NDRG2: variants seen among roughly 807,000 people sequenced by gnomAD.
NDRG2 encodes the protein protein NDRG2.
Under a neutral mutation model 58.2 loss-of-function variants are expected in NDRG2, and 34 were observed. The observed-to-expected ratio is 0.58, with a 90% confidence interval of 0.44 to 0.78. The LOEUF (loss-of-function observed/expected upper bound fraction) is 0.78. Among genes scored for constraint, NDRG2 ranks in the 30% least tolerant of loss-of-function variants. The pLI is 0.00. For missense variants in NDRG2, 434 were observed against 471.2 expected (o/e 0.92, Z 0.73); for synonymous variants, 187 against 175.9 (o/e 1.06, Z -0.50).
At chr14:21,045,152 C>T (rs976736105) in intron 1 of NDRG2, among the ~76,000 whole-genome samples, 2 of 152,134 alleles carry the variant, frequency 1.3e-5, no homozygotes, top group Non-Finnish European at 2.9e-5. Context: ...TAAGGTCTCC[C>T]GAGAGACTTC....
chr14:21,022,343 C>G, intron 4 of NDRG2, 49 bp downstream of exon 4: 1 of 1,586,806 alleles, frequency 6.3e-7, no homozygotes, highest in Non-Finnish European at 8.6e-7. Flanking sequence ...CTACCCTTCC[C>G]CCACAGCCTC....
intron 1 of NDRG2, chr14:21,031,024 C>G: frequency 6.2e-7 from 1 of 1,609,714 alleles, no homozygotes; most frequent in South Asian, 1.1e-5. Flanking sequence ...CCAAGAACGC[C>G]CGAACCATCA....
upstream of NDRG2, chr14:21,025,749 A>C: frequency 4.9e-6 from 1 of 205,236 alleles, no homozygotes. This position sits in a 1 kb window ranked among gnomAD's most constrained non-coding sequence, Gnocchi z 5.1. Flanking sequence ...CAAGGCGGGG[A>C]GGTGGGGGCG....
At chr14:21,059,701 T>A (rs1053642816) in intron 1 of NDRG2, among the ~76,000 whole-genome samples, 2 of 152,210 alleles carry the variant, frequency 1.3e-5, no homozygotes, top group East Asian at 3.9e-4. Flanking sequence ...GGTTTCACCA[T>A]GTTACCCGGG....
intron 1 of NDRG2, among the ~76,000 whole-genome samples, chr14:21,066,303 T>C (rs1404563339): frequency 2.6e-5 from 4 of 150,980 alleles, no homozygotes; most frequent in Non-Finnish European, 4.4e-5. Context: ...TTGGATCTTT[T>C]TTTTTTGGTT....
intron 3 of NDRG2, 43 bp downstream of exon 3, chr14:21,022,821 G>A: frequency 1.2e-6 from 2 of 1,602,510 alleles, no homozygotes; most frequent in East Asian, 4.5e-5. Flanking sequence ...TGGGGAAGAG[G>A]ACAGCCCCTC....
chr14:21,026,298 C>T (rs1381234641), upstream of NDRG2, among the ~76,000 whole-genome samples: 1 of 152,022 alleles, frequency 6.6e-6, no homozygotes, highest in Non-Finnish European at 1.5e-5. Context: ...TTCTCCCCAC[C>T]TGCCCCCCTT....
In NDRG2 at chr14:21,070,255, A is replaced by G. The variant is rs1307477022; in HGVS notation, c.24+573T>C. ...TCCCTGGCGGGGCCCCGCGGCCTGG[A>G]AGCCGGAGCGGGCCGAGCCGCCACC... On this transcript the variant is annotated intron_variant, in intron 1 of 14. Transcript: ENST00000403829. This position sits in a 1 kb window ranked among gnomAD's most constrained non-coding sequence, Gnocchi z 4.7. 8.7e-6 allele frequency: 8 copies of G among 916,492 alleles called. No individual in the cohort carries two copies. The highest frequency in any genetic ancestry group is 1.1e-5 in the Non-Finnish European group (8 of 716,958). The allele number at this position is 916,492 out of a possible 1,614,324, so 56.8% of individuals were successfully genotyped here.
intron 1 of NDRG2, among the ~76,000 whole-genome samples, chr14:21,035,464 G>T (rs957125354): frequency 1.3e-5 from 2 of 152,212 alleles, no homozygotes; most frequent in African/African-American, 4.8e-5. Context: ...CAAAGAGCCA[G>T]CTCCCTGGAA....
chr14:21,057,668 G>T (rs114969866), intron 1 of NDRG2, among the ~76,000 whole-genome samples: 1,445 of 135,636 alleles, frequency 0.011, 34 homozygotes, highest in African/African-American at 0.039. Flanking sequence ...TAAAACTATT[G>T]TGAGAGGTAA....
chr14:21,028,113 C>T (rs1883816761), upstream of NDRG2, among the ~76,000 whole-genome samples: 2 of 152,130 alleles, frequency 1.3e-5, no homozygotes, highest in African/African-American at 2.4e-5. Context: ...TTCCCCACCC[C>T]GGTCCATTCC....
At chr14:21,048,357 C>T (rs1336210986) in intron 1 of NDRG2, 1 of 152,104 alleles carries the variant, frequency 6.6e-6, no homozygotes, top group African/African-American at 2.4e-5. Context: ...TGTAAGAAGT[C>T]CACAGTTCAT....
chr14:21,044,933 C>G (rs957888197), intron 1 of NDRG2, among the ~76,000 whole-genome samples: 4 of 152,174 alleles, frequency 2.6e-5, no homozygotes, highest in Admixed American at 6.5e-5. Flanking sequence ...TCCTGACTCC[C>G]GTCTACATGA....
intron 1 of NDRG2, among the ~76,000 whole-genome samples, chr14:21,035,260 C>G (rs937406488): frequency 3.3e-5 from 5 of 152,250 alleles, no homozygotes; most frequent in Non-Finnish European, 5.9e-5. Context: ...TACTGGAAAT[C>G]TCTGCATGCT....
At chr14:21,021,930 C>A (rs781541483) in intron 5 of NDRG2, 51 bp from the exon 6 acceptor site, 31 of 1,611,234 alleles carry the variant, frequency 1.9e-5, no homozygotes, top group Middle Eastern at 1.8e-4. Flanking sequence ...CTCACACCCC[C>A]CACCTCAGGA....
intron 1 of NDRG2, among the ~76,000 whole-genome samples, chr14:21,066,504 G>C (rs1886275216): frequency 6.6e-6 from 1 of 152,156 alleles, no homozygotes; most frequent in Non-Finnish European, 1.5e-5. Flanking sequence ...ATTTTTAGTA[G>C]AGACAGGGTT....
chr14:21,057,941 G>C, intron 1 of NDRG2: 2 of 1,614,000 alleles, frequency 1.2e-6, no homozygotes, highest in Admixed American at 1.7e-5. Context: ...GCTGCTTCTG[G>C]GGCTGTGGGT....
intron 1 of NDRG2, chr14:21,033,604 G>A: frequency 1.7e-6 from 1 of 590,060 alleles, no homozygotes; most frequent in Non-Finnish European, 3.0e-6. Flanking sequence ...GGAGGTGGGG[G>A]CGAAGAGGGG....
intron 1 of NDRG2, among the ~76,000 whole-genome samples, chr14:21,044,420 C>T (rs1885050834): frequency 6.6e-6 from 1 of 152,232 alleles, no homozygotes; most frequent in Non-Finnish European, 1.5e-5. Context: ...TCCAGGATCA[C>T]ATTTCCTTTG....
Sources: allele counts gnomAD v4.1 joint callset (sites outside exome capture counted in the v4.1 genomes callset), GRCh38; gene constraint gnomAD v4.1.1; non-coding constraint Gnocchi (gnomAD v3.1); transcripts MANE v1.5; gene names NCBI Gene and HGNC (gene_info 2026-07-23, HGNC 2026-07-21).